Variants in P4HA3 observed in about 807,000 individuals in gnomAD.
P4HA3 encodes the protein prolyl 4-hydroxylase subunit alpha-3.
A neutral mutation model predicts 66.7 loss-of-function variants in P4HA3; 60 were observed. The observed-to-expected ratio is 0.90, with a 90% CI of 0.73 to 1.12. P4HA3 has a LOEUF of 1.12. Among genes scored for constraint, P4HA3 ranks in the 50% most tolerant of loss-of-function variants. P4HA3 has a pLI of 0.00. For synonymous variants in P4HA3, 263 were observed against 274.6 expected, an observed-to-expected ratio of 0.96 and a Z score of 0.42; for missense variants, 683 against 685.8, an observed-to-expected ratio of 1.00 and a Z score of 0.05.
chr11:74,262,902 C>T (rs1222864774), downstream of P4HA3, among the ~76,000 whole-genome samples: 1 of 152,218 alleles, frequency 6.6e-6, no homozygotes, highest in Non-Finnish European at 1.5e-5. Context: ...AATCAACACC[C>T]TCTTGCTTCC....
At chr11:74,252,642 T>C in intron 15 of P4HA3, 1 of 413,520 alleles carries the variant, frequency 2.4e-6, no homozygotes. Context: ...GTAGGATGCT[T>C]AGCAGTATCC....
chr11:74,283,571 G>C (rs1461493722), intron 7 of P4HA3, among the ~76,000 whole-genome samples: 1 of 152,108 alleles, frequency 6.6e-6, no homozygotes, highest in African/African-American at 2.4e-5. Context: ...CTGCCTACAG[G>C]ATAAAATCCA....
intron 11 of P4HA3, among the ~76,000 whole-genome samples, chr11:74,268,722 C>G (rs541968075): frequency 6.6e-6 from 1 of 152,282 alleles, no homozygotes; most frequent in East Asian, 1.9e-4. Context: ...TCATAATCCC[C>G]AGTTTCCTAG....
intron 4 of P4HA3, among the ~76,000 whole-genome samples, chr11:74,289,692 G>A (rs1478027359): frequency 1.3e-5 from 2 of 149,594 alleles, no homozygotes; most frequent in Admixed American, 6.7e-5. Context: ...GAGAACATGG[G>A]GTGTTTGGTT....
intron 15 of P4HA3, chr11:74,251,633 C>A (rs755800681): frequency 6.2e-7 from 1 of 1,612,218 alleles, no homozygotes; most frequent in Admixed American, 1.7e-5. Context: ...CCTGGAATAT[C>A]TCTCCCATTT....
chr11:74,255,152 C>G (rs183104260), intron 15 of P4HA3, among the ~76,000 whole-genome samples: 328 of 152,314 alleles, frequency 2.2e-3, no homozygotes, highest in Non-Finnish European at 3.6e-3. Flanking sequence ...AAACTTGCTC[C>G]CCATGAAACT....
intron 5 of P4HA3, chr11:74,287,073 C>T (rs1461479878): frequency 1.7e-6 from 2 of 1,160,674 alleles, no homozygotes; most frequent in Admixed American, 3.9e-5. Flanking sequence ...TCCCACAGGG[C>T]CCTTGGGAAA....
At chr11:74,267,961 C>A (rs1481623797) in intron 12 of P4HA3, among the ~76,000 whole-genome samples, 184 bp downstream of exon 12, 2 of 152,180 alleles carry the variant, frequency 1.3e-5, no homozygotes, top group African/African-American at 4.8e-5. Context: ...AACAGGAACC[C>A]CTGCCTGTTA....
chr11:74,260,576 C>T lies in P4HA3; in HGVS notation c.*1105-440G>A, dbSNP rs374760514. Among the ~76,000 whole-genome samples the T allele has an allele frequency of 2.0e-5, 3 of 152,246 alleles. No homozygotes were observed. The South Asian group carries it at 6.2e-4, about 32-fold the overall frequency. On this transcript the variant is annotated intron_variant and NMD_transcript_variant, in intron 14 of 15. Coordinates refer to the P4HA3 transcript ENST00000524388. ...TAATGTTTTTCCAAAAAACAGATTA[C>T]AGATCATAAAGTTAGACAAAATCTT... is the stretch of plus-strand genomic sequence containing the variant.
At chr11:74,260,638 A>G (rs926914974) in intron 14 of P4HA3, among the ~76,000 whole-genome samples, 4 of 152,246 alleles carry the variant, frequency 2.6e-5, no homozygotes, top group Admixed American at 2.6e-4. Flanking sequence ...TGTAAGACTA[A>G]AGAAAGCTTT....
At chr11:74,268,564 C>A (rs1179950162) in intron 11 of P4HA3, among the ~76,000 whole-genome samples, 1 of 152,190 alleles carries the variant, frequency 6.6e-6, no homozygotes, top group East Asian at 1.9e-4. Flanking sequence ...GAAAGGTGAG[C>A]ACATTTGTCA....
At chr11:74,257,577 G>T (rs1484998349) in intron 15 of P4HA3, among the ~76,000 whole-genome samples, 1 of 152,128 alleles carries the variant, frequency 6.6e-6, no homozygotes, top group Non-Finnish European at 1.5e-5. Flanking sequence ...GGCCGAGATA[G>T]GAGAAGAGCC....
At chr11:74,291,085 T>G (rs1254630639) in intron 4 of P4HA3, among the ~76,000 whole-genome samples, 2 of 152,218 alleles carry the variant, frequency 1.3e-5, no homozygotes, top group Non-Finnish European at 2.9e-5. Context: ...GAGCATGGAA[T>G]GTTCTTCCAT....
intron 15 of P4HA3, among the ~76,000 whole-genome samples, chr11:74,259,377 C>T (rs894877958): frequency 6.6e-6 from 1 of 152,146 alleles, no homozygotes; most frequent in Non-Finnish European, 1.5e-5. Flanking sequence ...GAGCAAGATT[C>T]TGTCTCAAAC....
intron 15 of P4HA3, chr11:74,254,583 C>G (rs939348134): frequency 7.8e-5 from 12 of 153,198 alleles, no homozygotes; most frequent in Admixed American, 2.6e-4. Context: ...GTAGCCCCCT[C>G]CACCTTTCCA....
chr11:74,276,328 T>A (rs181175002), intron 9 of P4HA3, among the ~76,000 whole-genome samples: 1 of 152,282 alleles, frequency 6.6e-6, no homozygotes, highest in Non-Finnish European at 1.5e-5. Flanking sequence ...TTTGGGAGAC[T>A]GAGGTGGGAG....
intron 15 of P4HA3, chr11:74,250,426 A>C (rs1859626240): frequency 6.5e-6 from 1 of 153,640 alleles, no homozygotes; most frequent in South Asian, 2.0e-4. Flanking sequence ...TCCTTAACAT[A>C]GCTTACAAAA....
intron 3 of P4HA3, among the ~76,000 whole-genome samples, chr11:74,300,689 G>A (rs1861379706): frequency 6.6e-6 from 1 of 152,204 alleles, no homozygotes; most frequent in Non-Finnish European, 1.5e-5. Flanking sequence ...AAGGGATCGG[G>A]GAAGTGTAGA....
At chr11:74,275,456 T>C (rs529697888) in intron 9 of P4HA3, among the ~76,000 whole-genome samples, 2 of 152,242 alleles carry the variant, frequency 1.3e-5, no homozygotes, top group Non-Finnish European at 2.9e-5. Flanking sequence ...TGAATTTCCT[T>C]GGCACCTTTG....
Sources: allele counts gnomAD v4.1 joint callset (sites outside exome capture counted in the v4.1 genomes callset), GRCh38; gene constraint gnomAD v4.1.1; transcripts MANE v1.5; gene names NCBI Gene and HGNC (gene_info 2026-07-23, HGNC 2026-07-21).